Variants in SV2C observed in about 807,000 individuals in gnomAD.
SV2C encodes the protein synaptic vesicle glycoprotein 2C.
Under a neutral mutation model 79.7 loss-of-function variants are expected in SV2C, and 49 were observed. The ratio of observed to expected loss-of-function variants is 0.61; its 90% CI spans 0.49 to 0.78. The LOEUF is 0.78. Among genes scored for constraint, SV2C ranks in the 30% least tolerant of loss-of-function variants. The pLI is 0.00. For synonymous variants in SV2C, 334 were observed against 333.2 expected (o/e 1.00, Z -0.03); for missense variants, 833 against 912.9 (o/e 0.91, Z 1.13).
chr5:76,033,420 T>C, the SV2C span, among the ~76,000 whole-genome samples: 1 of 152,226 alleles, frequency 6.6e-6, no homozygotes, highest in Non-Finnish European at 1.5e-5. Context: ...GAATTAATTT[T>C]TGTATAAGGT....
intron 4 of SV2C, among the ~76,000 whole-genome samples, chr5:76,274,517 TGTCACTTGGACATTTTCC>T (rs1746963858): frequency 6.6e-6 from 1 of 152,170 alleles, no homozygotes. Flanking sequence ...CACTGAGCAA[TGTCACTTGGACATTTTCC>T]ATATATCTGT....
chr5:76,075,298 G>C, the SV2C span, among the ~76,000 whole-genome samples: 1 of 152,208 alleles, frequency 6.6e-6, no homozygotes, highest in Non-Finnish European at 1.5e-5. Flanking sequence ...CCCAAAAGCT[G>C]TCTAGAAATC....
downstream of SV2C, among the ~76,000 whole-genome samples, chr5:76,337,650 G>A (rs1191961234): frequency 6.6e-6 from 1 of 152,164 alleles, no homozygotes; most frequent in Non-Finnish European, 1.5e-5. Flanking sequence ...ACCTGTGCAT[G>A]CTGTTCATTC....
At chr5:76,188,217 T>G (rs1444616493) in intron 2 of SV2C, among the ~76,000 whole-genome samples, 2 of 152,168 alleles carry the variant, frequency 1.3e-5, no homozygotes, top group Non-Finnish European at 2.9e-5. Context: ...GCTGAGATCA[T>G]GCCCCTGCAC....
At chr5:75,961,880 A>C in the SV2C span, among the ~76,000 whole-genome samples, 2 of 152,102 alleles carry the variant, frequency 1.3e-5, no homozygotes, top group African/African-American at 4.8e-5. Flanking sequence ...TCAAACACAT[A>C]GAAATGTAAG....
the SV2C span, among the ~76,000 whole-genome samples, chr5:76,051,881 A>T: frequency 6.6e-6 from 1 of 152,238 alleles, no homozygotes; most frequent in South Asian, 2.1e-4. Flanking sequence ...GAGGGTAATA[A>T]TTGAAAAAGT....
chr5:76,092,564 G>A (rs1341477014), intron 1 of SV2C, among the ~76,000 whole-genome samples: 2 of 152,068 alleles, frequency 1.3e-5, no homozygotes, highest in African/African-American at 2.4e-5. Context: ...GCTGAGGATC[G>A]ACCCCCATTC....
intron 1 of SV2C, among the ~76,000 whole-genome samples, chr5:76,129,177 G>C (rs146546535): frequency 1.8e-3 from 280 of 152,306 alleles, no homozygotes; most frequent in African/African-American, 5.9e-3. Flanking sequence ...GATTCAGAGA[G>C]ACCCCTGTAC....
At chr5:76,203,275 G>A (rs1328495855) in intron 3 of SV2C, among the ~76,000 whole-genome samples, 1 of 152,170 alleles carries the variant, frequency 6.6e-6, no homozygotes, top group Non-Finnish European at 1.5e-5. Context: ...TGATGTGCCT[G>A]GCCCAGAGTT....
At chr5:75,995,455 C>T in the SV2C span, among the ~76,000 whole-genome samples, 2 of 152,030 alleles carry the variant, frequency 1.3e-5, no homozygotes, top group Non-Finnish European at 2.9e-5. Context: ...CAGATTAGCA[C>T]ATGACTGCAG....
the SV2C span, among the ~76,000 whole-genome samples, chr5:75,885,795 T>C: frequency 6.6e-6 from 1 of 152,074 alleles, no homozygotes. Context: ...AGGGTAAACA[T>C]CTCAGACTCT....
intron 4 of SV2C, among the ~76,000 whole-genome samples, chr5:76,213,692 T>C (rs1744835038): frequency 6.6e-6 from 1 of 152,206 alleles, no homozygotes; most frequent in African/African-American, 2.4e-5. Flanking sequence ...GTGAAATGAT[T>C]ACCACAATCG....
the SV2C span, among the ~76,000 whole-genome samples, chr5:75,997,098 G>A: frequency 6.6e-6 from 1 of 151,090 alleles, no homozygotes; most frequent in South Asian, 2.1e-4. Context: ...TTTTGCCCAT[G>A]CAGTATGATA....
chr5:76,180,454 A>G (rs1347073259), intron 2 of SV2C, among the ~76,000 whole-genome samples: 1 of 152,216 alleles, frequency 6.6e-6, no homozygotes, highest in Non-Finnish European at 1.5e-5. Context: ...AGTCTATTAC[A>G]TCTGCGGCTG....
At chr5:76,014,916 T>C in the SV2C span, among the ~76,000 whole-genome samples, 1 of 152,232 alleles carries the variant, frequency 6.6e-6, no homozygotes, top group Non-Finnish European at 1.5e-5. Context: ...TATAAACTTA[T>C]ATAGTTACAG....
the SV2C span, among the ~76,000 whole-genome samples, chr5:75,984,927 C>T: frequency 2.0e-5 from 3 of 151,882 alleles, no homozygotes; most frequent in African/African-American, 7.3e-5. Context: ...ACATCTTTAC[C>T]TTCACAGCAG....
At chr5:76,288,118 T>C (rs1747416204) in intron 6 of SV2C, among the ~76,000 whole-genome samples, 1 of 152,048 alleles carries the variant, frequency 6.6e-6, no homozygotes, top group Non-Finnish European at 1.5e-5. Context: ...TAAAAATGTT[T>C]TGTCTACAGT....
At chr5:76,148,393 A>G (rs752590428) in intron 2 of SV2C, among the ~76,000 whole-genome samples, 4 of 152,104 alleles carry the variant, frequency 2.6e-5, no homozygotes, top group Non-Finnish European at 5.9e-5. Flanking sequence ...TAACTCCCTT[A>G]TTCTTTGTTA....
At chr5:76,242,214 A>G (rs926434255) in intron 4 of SV2C, 3 of 972,968 alleles carry the variant, frequency 3.1e-6, no homozygotes, top group African/African-American at 1.6e-5. Context: ...TTAGCAGACA[A>G]CCTCGCGGAT....
Sources: allele counts gnomAD v4.1 joint callset (sites outside exome capture counted in the v4.1 genomes callset), GRCh38; gene constraint gnomAD v4.1.1; transcripts MANE v1.5; gene names NCBI Gene and HGNC (gene_info 2026-07-23, HGNC 2026-07-21).